RB1: variants seen among roughly 807,000 people sequenced by gnomAD.
RB1 encodes RB transcriptional corepressor 1.
A neutral mutation model predicts 135.4 loss-of-function variants in RB1; 18 were observed. The observed-to-expected ratio is 0.13, with a 90% CI of 0.09 to 0.20. The LOEUF is 0.20. Among genes scored for constraint, RB1 ranks in the 10% least tolerant of loss-of-function variants. The pLI is 1.00. For synonymous variants in RB1, 365 were observed against 373.2 expected (o/e 0.98, Z 0.25); for missense variants, 868 against 1,110.0 (o/e 0.78, Z 3.10).
At position 48,347,853 on chromosome 13, in the gene RB1, C is replaced by T. The variant is rs1357310270; in HGVS notation, c.529C>T (p.Pro177Ser). The change falls in exon 5 of 27, where the codon CCC (proline) becomes TCC (serine). Residue 177 changes from proline to serine, a missense_variant. Around this residue, in one of 3 missense-constraint regions of RB1, gnomAD observed 641 missense variants for 791.3 expected, o/e 0.81. Transcript: ENST00000267163. ...RTCELIYLTQPSSSISTEINS... is the reference protein window; with the variant it reads ...RTCELIYLTQSSSSISTEINS... ...ATGTGAACTTATATATTTGACACAA[C>T]CCAGCAGTTCGTAAGTAGTTCACAG... The T allele has an allele frequency of 6.9e-6, 11 of 1,592,022 alleles. No homozygotes were observed. Among genetic ancestry groups the T allele is most frequent in the Non-Finnish European group, 9.5e-6 (11 of 1,161,280 alleles).
At chr13:48,307,193 T>A (rs1413271566) in intron 1 of RB1, 87 bp from the exon 2 acceptor site, 1 of 1,084,590 alleles carries the variant, frequency 9.2e-7, no homozygotes, top group Non-Finnish European at 1.4e-6. Context: ...CACAGTAGTG[T>A]TATGTGCAAA....
chr13:48,316,737 AC>A (rs1952187221), intron 2 of RB1: 1 of 60,370 alleles, frequency 1.7e-5, no homozygotes. Flanking sequence ...ACACACACAC[AC>A]ACACACACAC....
At chr13:48,460,500 A>G (rs1174281128) in intron 20 of RB1, among the ~76,000 whole-genome samples, 2 of 152,322 alleles carry the variant, frequency 1.3e-5, no homozygotes, top group African/African-American at 4.8e-5. Flanking sequence ...GGCTTTTTCT[A>G]TGTAGTAGTG....
chr13:48,319,732 GT>G lies in RB1; in HGVS notation c.264+12332del. 7.6e-6 allele frequency: 2 copies of G among 264,592 alleles called. No individual in the cohort carries two copies. The allele number at this position is 264,592 out of a possible 1,614,324, so 16.4% of individuals were successfully genotyped here. ...TTGGTCGAATTTTCGTTTGGGTCTG[GT>G]TTTTTATCTATTGACCCCATCACAT... On this transcript the variant is annotated intron_variant, in intron 2 of 26. Transcript: ENST00000267163. This position sits in a 1 kb window ranked among gnomAD's most constrained non-coding sequence, Gnocchi z 5.0.
intron 2 of RB1, among the ~76,000 whole-genome samples, chr13:48,312,241 G>A (rs763148959): frequency 2.6e-5 from 4 of 151,744 alleles, no homozygotes; most frequent in Non-Finnish European, 5.9e-5. Context: ...ATGGATTTTT[G>A]TTGTTTTGTA....
At chr13:48,446,985 C>T (rs531093608) in intron 17 of RB1, among the ~76,000 whole-genome samples, 1 of 152,146 alleles carries the variant, frequency 6.6e-6, no homozygotes, top group Admixed American at 6.5e-5. Flanking sequence ...GTATGGAAAC[C>T]AGTTTGTAGG....
Position 48,480,050 on chromosome 13 carries a change from C to T in RB1, c.2766C>T (p.Thr922=). ...AGAAAATGAATGATAGCATGGATAC[C>T]TCAAACAAGGAAGAGAAATGAGGAT... ...QKQKMNDSMD[T]SNKEEK The change falls in exon 27 of 27, where the codon ACC becomes ACT. Residue 922 remains threonine, a synonymous_variant. Transcript: ENST00000267163. 1 of 1,613,020 alleles carries T rather than the reference C, an allele frequency of 6.2e-7. No individual in the cohort carries two copies. Among genetic ancestry groups the T allele is most frequent in the Non-Finnish European group, 8.5e-7 (1 of 1,179,238 alleles).
chr13:48,463,940 G>A (rs2138343065), intron 21 of RB1, 105 bp downstream of exon 21: 1 of 694,510 alleles, frequency 1.4e-6, no homozygotes, highest in Non-Finnish European at 2.5e-6. Context: ...CATATATTCT[G>A]TCTGACCTTA....
Position 48,389,684 on chromosome 13 carries a change from G to A in RB1, c.1695+8241G>A, listed in dbSNP as rs554524246. The A allele has an allele frequency of 5.3e-5, 8 of 152,298 alleles. No homozygotes were observed. In the South Asian group the frequency reaches 1.5e-3, roughly 28 times the overall value. 9.4% of individuals were successfully genotyped at this position (152,298 alleles called of 1,614,324 possible). ...GTGTCAGCAGGTGCCTGGAGCTATA[G>A]GGTCCACTTCCAAGATGCTTCTTCA... On this transcript the variant is annotated intron_variant, in intron 17 of 26. Coordinates refer to ENST00000267163, the MANE Select transcript of RB1 (RefSeq NM_000321.3).
chr13:48,397,271 A>G (rs1183834071), intron 17 of RB1, among the ~76,000 whole-genome samples: 1 of 152,228 alleles, frequency 6.6e-6, no homozygotes. Context: ...TAGACTGGAT[A>G]AAGAAAATGT....
chr13:48,415,053 A>C (rs900528413), intron 17 of RB1, among the ~76,000 whole-genome samples: 2 of 152,088 alleles, frequency 1.3e-5, no homozygotes, highest in Non-Finnish European at 2.9e-5. Flanking sequence ...ATCTTCTTTC[A>C]AATTGATAGT....
chr13:48,396,691 A>G (rs1196988219), intron 17 of RB1, among the ~76,000 whole-genome samples: 2 of 152,226 alleles, frequency 1.3e-5, no homozygotes, highest in East Asian at 3.8e-4. Context: ...AAAAGAAACT[A>G]TCTTCAGAGT....
intron 2 of RB1, among the ~76,000 whole-genome samples, chr13:48,321,404 G>A (rs972720412): frequency 4.1e-5 from 6 of 146,788 alleles, no homozygotes; most frequent in African/African-American, 1.5e-4. Flanking sequence ...CCCGCGCGCC[G>A]CTGCCACCGC....
intron 26 of RB1, among the ~76,000 whole-genome samples, chr13:48,478,229 CT>C (rs1949515955): frequency 6.6e-6 from 1 of 152,120 alleles, no homozygotes. Flanking sequence ...AAATGAGAGG[CT>C]TTCTTTTAAT....
In RB1 at chr13:48,381,393, C is replaced by T. The variant is rs1050717570; in HGVS notation, c.1645C>T (p.His549Tyr). 6.2e-7 allele frequency: 1 copy of T among 1,613,338 alleles called. No homozygotes were observed. The highest frequency in any genetic ancestry group is 8.5e-7 in the Non-Finnish European group (1 of 1,179,758). The change falls in exon 17 of 27, where the codon CAT becomes TAT. Residue 549 changes from histidine to tyrosine, a missense_variant. Coordinates refer to ENST00000267163, the MANE Select transcript of RB1 (RefSeq NM_000321.3). ...EGNLTREMIKHLERCEHRIME... is the reference protein window; with the variant it reads ...EGNLTREMIKYLERCEHRIME... ...CAACTTGACAAGAGAAATGATAAAA[C>T]ATTTAGAACGATGTGAACATCGAAT...
At chr13:48,341,268 T>G (rs1315784332) in intron 2 of RB1, 6 of 152,104 alleles carry the variant, frequency 3.9e-5, no homozygotes, top group Admixed American at 3.9e-4. Context: ...TTCCTTTTGA[T>G]TTTCAAATAA....
At chr13:48,452,202 C>A (rs1555293580) in intron 17 of RB1, among the ~76,000 whole-genome samples, 1 of 151,838 alleles carries the variant, frequency 6.6e-6, no homozygotes, top group Non-Finnish European at 1.5e-5. Flanking sequence ...ATTGTACTAG[C>A]TTCATAAAAT....
Position 48,476,500 on chromosome 13 carries a change from T to C in RB1, c.2521-201T>C, listed in dbSNP as rs1186874113. 5.7e-6 allele frequency: 3 copies of C among 529,472 alleles called. No individual in the cohort carries two copies. In the African/African-American group the frequency reaches 5.8e-5, roughly 10 times the overall value. The allele number at this position is 529,472 out of a possible 1,614,324, so 32.8% of individuals were successfully genotyped here. ...GACAGGAGGATTTACAAAGAGTGGGTGTTTAATTGGGGATGGAATTAGGTA... is the reference window on the plus strand; with the variant it reads ...GACAGGAGGATTTACAAAGAGTGGGCGTTTAATTGGGGATGGAATTAGGTA... On this transcript the variant is annotated intron_variant, in intron 24 of 26. Coordinates refer to ENST00000267163, the MANE Select transcript of RB1 (RefSeq NM_000321.3).
chr13:48,355,820 A>T (rs187990838), intron 6 of RB1, among the ~76,000 whole-genome samples: 177 of 152,236 alleles, frequency 1.2e-3, no homozygotes, highest in African/African-American at 4.1e-3. Flanking sequence ...AGCCAGGTAC[A>T]GAAAGACAAA....
Sources: allele counts gnomAD v4.1 joint callset (sites outside exome capture counted in the v4.1 genomes callset), GRCh38; gene constraint gnomAD v4.1.1; regional missense constraint gnomAD v4.1.1; non-coding constraint Gnocchi (gnomAD v3.1); transcripts MANE v1.5; gene names NCBI Gene and HGNC (gene_info 2026-07-23, HGNC 2026-07-21).